The following SMURF2 variants were observed in gnomAD, a reference collection of about 807,000 sequenced individuals.
SMURF2 encodes E3 ubiquitin-protein ligase SMURF2.
SMURF2 carries 48 observed loss-of-function variants against 109.6 expected under a neutral mutation model. The ratio of observed to expected loss-of-function variants is 0.44; its 90% CI spans 0.35 to 0.56. The LOEUF (loss-of-function observed/expected upper bound fraction) is 0.56, where lower values mean the gene tolerates loss of function less well. Among genes scored for constraint, SMURF2 ranks in the 20% least tolerant of loss-of-function variants. The pLI, the probability that SMURF2 is intolerant of heterozygous loss-of-function variation, is 0.01. For synonymous variants in SMURF2, 288 were observed against 317.1 expected, an observed-to-expected ratio of 0.91 and a Z score of 0.97; for missense variants, 575 against 909.0, an observed-to-expected ratio of 0.63 and a Z score of 4.72.
intron 1 of SMURF2, among the ~76,000 whole-genome samples, chr17:64,627,147 T>C (rs1479262933): frequency 1.4e-5 from 2 of 144,054 alleles, no homozygotes; most frequent in Non-Finnish European, 3.0e-5. Context: ...GGAGTCTTGC[T>C]CCTGTTGCCC....
chr17:64,620,885 G>A (rs1369818195), intron 1 of SMURF2, among the ~76,000 whole-genome samples: 2 of 152,164 alleles, frequency 1.3e-5, no homozygotes, highest in African/African-American at 2.4e-5. Flanking sequence ...AAAAGGTAAA[G>A]GATACATGCA....
intron 16 of SMURF2, among the ~76,000 whole-genome samples, chr17:64,550,757 C>CAAAAA (rs146307567): frequency 2.9e-5 from 2 of 69,712 alleles, no homozygotes; most frequent in Non-Finnish European, 3.5e-5. Flanking sequence ...ACTCTGTCTC[C>CAAAAA]AAAAAAAAAA....
intron 4 of SMURF2, among the ~76,000 whole-genome samples, chr17:64,591,682 A>G (rs575101220): frequency 6.6e-6 from 1 of 152,340 alleles, no homozygotes; most frequent in African/African-American, 2.4e-5. Flanking sequence ...TAAAAGAGAT[A>G]TAACACTGAC....
intron 16 of SMURF2, among the ~76,000 whole-genome samples, chr17:64,550,712 G>A (rs115188979): frequency 0.022 from 3,316 of 150,736 alleles, 127 homozygotes; most frequent in African/African-American, 0.077. Flanking sequence ...TCCAGGAGGT[G>A]GAGGTTGCAG....
At position 64,586,071 on chromosome 17, in the gene SMURF2, G is replaced by A. The variant is rs782560736; in HGVS notation, c.485+15C>T. 3 of 1,544,910 alleles carry A rather than the reference G, an allele frequency of 1.9e-6. No homozygotes were observed. The Admixed American group carries it at 5.2e-5, about 27-fold the overall frequency. On this transcript the variant is annotated intron_variant, in intron 6 of 18. Transcript: ENST00000262435. Reference sequence around the variant, plus strand: ...TCTATATATTTCTCTAATGATTTCAGTGATGTTAGCTTACCCGTCTGGTAA... The same window carrying A: ...TCTATATATTTCTCTAATGATTTCAATGATGTTAGCTTACCCGTCTGGTAA...
rs1968910421 is a variant in SMURF2 at position 64,543,943 on chromosome 17, A to G, written c.*1905T>C. 1 of 152,224 alleles carries G rather than the reference A, an allele frequency of 6.6e-6. No individual in the cohort carries two copies. Among genetic ancestry groups the G allele is most frequent in the African/African-American group, 2.4e-5 (1 of 41,456 alleles). The allele number at this position is 152,224 out of a possible 1,614,324, so 9.4% of individuals were successfully genotyped here. On this transcript the variant is annotated 3_prime_UTR_variant, in exon 19 of 19. Coordinates refer to ENST00000262435, the MANE Select transcript of SMURF2 (RefSeq NM_022739.4). ...CAATGTAAAAAAAACAAATTGTTTG[A>G]GAGGAAAAAGGTAGGCATAAGCATA...
intron 4 of SMURF2, among the ~76,000 whole-genome samples, chr17:64,591,848 T>C (rs1445781129): frequency 9.9e-5 from 15 of 152,232 alleles, no homozygotes; most frequent in Non-Finnish European, 2.1e-4. Context: ...TTAGTCTTTG[T>C]ATTTTCCACT....
At chr17:64,648,058 T>TAAAAA (rs56131846) in intron 1 of SMURF2, among the ~76,000 whole-genome samples, 4 of 17,686 alleles carry the variant, frequency 2.3e-4, no homozygotes, top group Admixed American at 1.4e-3. Flanking sequence ...CCCTATCTCT[T>TAAAAA]AAAAAAAAAA....
intron 5 of SMURF2, among the ~76,000 whole-genome samples, chr17:64,590,541 C>T (rs1208604084): frequency 1.3e-5 from 2 of 152,150 alleles, no homozygotes; most frequent in Non-Finnish European, 2.9e-5. Context: ...AGAAAGGTCT[C>T]AGCAAATTTT....
intron 11 of SMURF2, among the ~76,000 whole-genome samples, chr17:64,562,397 G>C (rs1268488440): frequency 1.3e-5 from 1 of 79,486 alleles, no homozygotes; most frequent in Non-Finnish European, 2.5e-5. Context: ...TTTTTTTTTT[G>C]AGACGGAGTT....
intron 15 of SMURF2, 131 bp downstream of exon 15, chr17:64,554,725 A>C: frequency 1.3e-6 from 1 of 787,354 alleles, no homozygotes; most frequent in Non-Finnish European, 2.0e-6. Context: ...GTCTGTTCTA[A>C]ATAAGCCACT....
At chr17:64,577,749 C>G (rs1205280823) in intron 9 of SMURF2, among the ~76,000 whole-genome samples, 2 of 151,832 alleles carry the variant, frequency 1.3e-5, no homozygotes, top group African/African-American at 4.8e-5. Context: ...CAGATGTGCT[C>G]TACCACATAC....
chr17:64,580,846 T>C lies in SMURF2; in HGVS notation c.715A>G (p.Arg239Gly). The C allele has an allele frequency of 1.2e-6, 2 of 1,614,218 alleles. No individual in the cohort carries two copies. Among genetic ancestry groups the C allele is most frequent in the Non-Finnish European group, 8.5e-7 (1 of 1,180,022 alleles). The change falls in exon 8 of 19, where the codon AGA becomes GGA. Residue 239 changes from arginine to glycine, a missense_variant. Arg to Gly is a moderately radical substitution (Grantham distance 125). Transcript: ENST00000262435. ...AERRVRSQRH[R>G]NYMSRTHLHT... is the part of the protein sequence containing the mutation. ...AAATGTGTTCTGCTCATGTAATTTC[T>C]ATGTCGTTGTGACCTGACTCTCCTC...
intron 5 of SMURF2, among the ~76,000 whole-genome samples, chr17:64,586,477 G>T (rs569950555): frequency 6.6e-6 from 1 of 151,880 alleles, no homozygotes; most frequent in African/African-American, 2.4e-5. Flanking sequence ...AGCTGGGCGC[G>T]GTGGCTCATG....
At chr17:64,621,106 T>C (rs1005551587) in intron 1 of SMURF2, among the ~76,000 whole-genome samples, 13 of 152,238 alleles carry the variant, frequency 8.5e-5, no homozygotes, top group African/African-American at 3.1e-4. Flanking sequence ...TTCTGTAACA[T>C]TGTAAACAAA....
At position 64,547,576 on chromosome 17, in the gene SMURF2, C is replaced by G; in HGVS notation, c.2071+24G>C. Reference sequence around the variant, plus strand: ...AGCCCCGCCCCCACCCGCTGCCCAGCTTGCCTGCACCTCAGGCTGTTACCT... The same window carrying G: ...AGCCCCGCCCCCACCCGCTGCCCAGGTTGCCTGCACCTCAGGCTGTTACCT... On this transcript the variant is annotated intron_variant, in intron 17 of 18. Coordinates refer to ENST00000262435, the MANE Select transcript of SMURF2 (RefSeq NM_022739.4). This position sits in a 1 kb window ranked among gnomAD's most constrained non-coding sequence, Gnocchi z 4.2. 1 of 1,611,482 alleles carries G rather than the reference C, an allele frequency of 6.2e-7. No individual in the cohort carries two copies. The highest frequency in any genetic ancestry group is 8.5e-7 in the Non-Finnish European group (1 of 1,177,832).
At chr17:64,577,598 A>AAAAG (rs1555686176) in intron 9 of SMURF2, among the ~76,000 whole-genome samples, 1 of 150,284 alleles carries the variant, frequency 6.7e-6, no homozygotes, top group African/African-American at 2.4e-5. Context: ...AAAAAAAAAA[A>AAAAG]AGAGAGAGAG....
At chr17:64,651,129 G>A (rs1314853153) in intron 1 of SMURF2, among the ~76,000 whole-genome samples, 19 of 152,064 alleles carry the variant, frequency 1.2e-4, no homozygotes, top group African/African-American at 4.3e-4. Context: ...CCCAGGAGGC[G>A]GAGGTTGCAG....
intron 1 of SMURF2, among the ~76,000 whole-genome samples, chr17:64,621,951 G>A (rs1349694812): frequency 3.4e-5 from 4 of 118,620 alleles, no homozygotes; most frequent in South Asian, 2.5e-4. Context: ...AGCCATCATC[G>A]CAATAATAAT....
Sources: allele counts gnomAD v4.1 joint callset (sites outside exome capture counted in the v4.1 genomes callset), GRCh38; gene constraint gnomAD v4.1.1; non-coding constraint Gnocchi (gnomAD v3.1); transcripts MANE v1.5; gene names NCBI Gene and HGNC (gene_info 2026-07-23, HGNC 2026-07-21).